Variants in FBXW11 observed in about 807,000 individuals in gnomAD.
The protein encoded by FBXW11 is F-box and WD repeat domain containing 11, also known as F-box/WD repeat-containing protein 11.
A neutral mutation model predicts 77.6 loss-of-function variants in FBXW11; 19 were observed. The observed-to-expected ratio is 0.24, with a 90% CI of 0.17 to 0.36. FBXW11 has a LOEUF of 0.36. Among genes scored for constraint, FBXW11 ranks in the 10% least tolerant of loss-of-function variants. The pLI is 1.00. For synonymous variants in FBXW11, 235 were observed against 249.4 expected (o/e 0.94, Z 0.54); for missense variants, 334 against 704.2 (o/e 0.47, Z 5.95).
At chr5:172,006,391 T>G in intron 1 of FBXW11, 67 bp downstream of exon 1, 2 of 1,399,638 alleles carry the variant, frequency 1.4e-6, no homozygotes, top group South Asian at 2.7e-5. Flanking sequence ...CACCGGACGT[T>G]GAGGTGGGCA....
At chr5:171,906,551 G>A (rs952868401) in intron 4 of FBXW11, among the ~76,000 whole-genome samples, 1 of 152,204 alleles carries the variant, frequency 6.6e-6, no homozygotes, top group Non-Finnish European at 1.5e-5. Context: ...CTCTGGAGAA[G>A]CAGGTGTTTC....
chr5:171,920,682 G>C (rs1449499322), intron 2 of FBXW11, among the ~76,000 whole-genome samples: 1 of 152,124 alleles, frequency 6.6e-6, no homozygotes, highest in African/African-American at 2.4e-5. Flanking sequence ...CCGGGCAACA[G>C]AGCAAGCTTC....
chr5:171,931,661 T>G (rs1401490577), intron 2 of FBXW11, among the ~76,000 whole-genome samples: 5 of 152,204 alleles, frequency 3.3e-5, no homozygotes. Context: ...GAAGAATTAT[T>G]AAGCTGGACT....
chr5:171,910,533 C>A, intron 4 of FBXW11, 39 bp downstream of exon 4: 1 of 1,511,026 alleles, frequency 6.6e-7, no homozygotes, highest in Non-Finnish European at 9.1e-7. Flanking sequence ...GCCGGGCATT[C>A]TTCAACTGCT....
intron 1 of FBXW11, among the ~76,000 whole-genome samples, chr5:172,006,170 T>C (rs917713933): frequency 6.6e-6 from 1 of 151,906 alleles, no homozygotes; most frequent in Non-Finnish European, 1.5e-5. Context: ...GCGACCTAAG[T>C]CTACAGCATA....
At chr5:171,945,453 A>G (rs988164001) in intron 2 of FBXW11, among the ~76,000 whole-genome samples, 1 of 152,208 alleles carries the variant, frequency 6.6e-6, no homozygotes, top group African/African-American at 2.4e-5. Context: ...TTAGGTCACA[A>G]GCTCTCTCTC....
At chr5:171,916,737 T>C (rs1581197798) in intron 2 of FBXW11, among the ~76,000 whole-genome samples, 1 of 152,084 alleles carries the variant, frequency 6.6e-6, no homozygotes, top group East Asian at 1.9e-4. Context: ...GTCTGGGTTC[T>C]AAGAGTGGTA....
chr5:171,978,574 G>A (rs886136161), intron 1 of FBXW11, among the ~76,000 whole-genome samples: 2 of 152,208 alleles, frequency 1.3e-5, no homozygotes, highest in Non-Finnish European at 2.9e-5. Flanking sequence ...ATCCTAAAGT[G>A]TCTCACAGAG....
intron 8 of FBXW11, 66 bp downstream of exon 8, chr5:171,877,945 G>A: frequency 8.9e-7 from 1 of 1,125,722 alleles, no homozygotes; most frequent in Non-Finnish European, 1.3e-6. Flanking sequence ...CCCAGAGGAG[G>A]ATGTCAATCT....
At chr5:171,913,868 C>A (rs1761059367) in intron 3 of FBXW11, among the ~76,000 whole-genome samples, 2 of 150,288 alleles carry the variant, frequency 1.3e-5, no homozygotes, top group South Asian at 4.2e-4. Flanking sequence ...CACACACACA[C>A]ACACACAACC....
intron 4 of FBXW11, among the ~76,000 whole-genome samples, chr5:171,909,140 T>C (rs569964836): frequency 6.6e-6 from 1 of 151,796 alleles, no homozygotes; most frequent in African/African-American, 2.4e-5. Flanking sequence ...CAGAAAAAAA[T>C]TCATGATTAA....
intron 2 of FBXW11, among the ~76,000 whole-genome samples, chr5:171,926,432 T>C (rs947585112): frequency 1.3e-5 from 2 of 152,180 alleles, no homozygotes; most frequent in African/African-American, 4.8e-5. Flanking sequence ...GTAATCCCCA[T>C]TGTTGAAGGT....
chr5:171,891,235 A>G (rs752997511), intron 7 of FBXW11, among the ~76,000 whole-genome samples: 5 of 152,168 alleles, frequency 3.3e-5, no homozygotes, highest in Non-Finnish European at 5.9e-5. Context: ...CCTAATACAG[A>G]ATATAGAATG....
chr5:171,972,798 G>A (rs1412637558), intron 1 of FBXW11, among the ~76,000 whole-genome samples: 1 of 152,116 alleles, frequency 6.6e-6, no homozygotes, highest in Non-Finnish European at 1.5e-5. Flanking sequence ...ACCCACCTCG[G>A]CCTCCCAAAG....
chr5:172,005,353 T>A (rs897098668), intron 1 of FBXW11, among the ~76,000 whole-genome samples: 1 of 152,234 alleles, frequency 6.6e-6, no homozygotes, highest in Non-Finnish European at 1.5e-5. Flanking sequence ...GACATGTCCA[T>A]TTGCTGATGC....
At chr5:171,941,150 T>C (rs957583285) in intron 2 of FBXW11, among the ~76,000 whole-genome samples, 1 of 152,182 alleles carries the variant, frequency 6.6e-6, no homozygotes, top group South Asian at 2.1e-4. Flanking sequence ...GAAGGCTTGA[T>C]AGACATTTCC....
intron 7 of FBXW11, among the ~76,000 whole-genome samples, chr5:171,889,353 C>T (rs1759144987): frequency 6.6e-6 from 1 of 151,864 alleles, no homozygotes; most frequent in Non-Finnish European, 1.5e-5. Flanking sequence ...CATGGTGAAA[C>T]CCCGTCTCCA....
chr5:171,902,164 AGAT>A (rs1760171804), intron 4 of FBXW11, among the ~76,000 whole-genome samples: 1 of 152,212 alleles, frequency 6.6e-6, no homozygotes, highest in South Asian at 2.1e-4. Flanking sequence ...AAAAATCAGC[AGAT>A]GATGATATTA....
chr5:171,891,739 G>A (rs1759362159), intron 6 of FBXW11, 135 bp from the exon 7 acceptor site: 1 of 770,802 alleles, frequency 1.3e-6, no homozygotes, highest in African/African-American at 1.8e-5. Flanking sequence ...TCTGTGGATA[G>A]GATCATGCTC....
Sources: gnomAD v4.1 joint callset for allele counts (sites outside exome capture counted in the v4.1 genomes callset) on GRCh38, gnomAD v4.1.1 for gene constraint, MANE v1.5 for transcripts, NCBI Gene and HGNC (gene_info 2026-07-23, HGNC 2026-07-21) for gene names.